Variants in HIP1 observed in about 807,000 individuals in gnomAD.
The protein encoded by HIP1 is huntingtin interacting protein 1, also known as huntingtin-interacting protein 1.
In HIP1, 65 loss-of-function variants were observed where a neutral mutation model predicts 147.6. The ratio of observed to expected loss-of-function variants is 0.44; its 90% confidence interval spans 0.36 to 0.54. The LOEUF (loss-of-function observed/expected upper bound fraction) is 0.54. Among genes scored for constraint, HIP1 ranks in the 20% least tolerant of loss-of-function variants. HIP1 has a pLI of 0.00. For missense variants in HIP1, 1,061 were observed against 1,299.6 expected (o/e 0.82, Z 2.82); for synonymous variants, 479 against 504.0 (o/e 0.95, Z 0.67).
At chr7:75,596,001 G>A (rs146930404) in intron 2 of HIP1, among the ~76,000 whole-genome samples, 498 of 152,264 alleles carry the variant, frequency 3.3e-3, no homozygotes, top group African/African-American at 0.011. Flanking sequence ...ACTTTGGGAG[G>A]CCCAGCGGGA....
chr7:75,682,535 C>T (rs577083861), intron 1 of HIP1, among the ~76,000 whole-genome samples: 29 of 151,618 alleles, frequency 1.9e-4, no homozygotes, highest in Middle Eastern at 3.4e-3. Flanking sequence ...GCTGAGATGA[C>T]GGGATTGAGC....
chr7:75,669,101 C>G (rs898799853), intron 1 of HIP1, among the ~76,000 whole-genome samples: 10 of 152,074 alleles, frequency 6.6e-5, no homozygotes, highest in Non-Finnish European at 1.5e-4. Flanking sequence ...TGTGGTGGCT[C>G]ACGCCTGTAA....
At chr7:75,561,701 G>A (rs1795235005) in intron 12 of HIP1, among the ~76,000 whole-genome samples, 1 of 152,124 alleles carries the variant, frequency 6.6e-6, no homozygotes, top group Non-Finnish European at 1.5e-5. Context: ...GAAGTGTAGT[G>A]GCACGATCAT....
intron 22 of HIP1, among the ~76,000 whole-genome samples, chr7:75,550,310 A>C (rs1794735730): frequency 1.3e-5 from 2 of 152,212 alleles, no homozygotes; most frequent in Admixed American, 1.3e-4. Context: ...ATACCTTTGG[A>C]ATCCTATTTG....
Position 75,535,425 on chromosome 7 carries a change from G to A in HIP1, c.*2747C>T, listed in dbSNP as rs1794048353. On this transcript the variant is annotated 3_prime_UTR_variant, in exon 31 of 31. Transcript: ENST00000336926. The stretch of plus-strand genomic sequence containing the variant: ...GGCCGGAGTGCACTGGCACAATCAG[G>A]GCTGACTGCAGCCTCGACTTCCCAA... The A allele has an allele frequency of 5.5e-6, 1 of 182,636 alleles. No homozygotes were observed. Among genetic ancestry groups the A allele is most frequent in the East Asian group, 8.9e-5 (1 of 11,220 alleles). The allele number at this position is 182,636 out of a possible 1,614,324, so 11.3% of individuals were successfully genotyped here.
chr7:75,588,055 G>A (rs952625966), intron 4 of HIP1, among the ~76,000 whole-genome samples: 13 of 152,144 alleles, frequency 8.5e-5, no homozygotes, highest in African/African-American at 3.1e-4. Flanking sequence ...ACAAACGCTT[G>A]TACTCCTGCA....
chr7:75,614,834 C>T (rs1210395268), intron 1 of HIP1, among the ~76,000 whole-genome samples: 6 of 151,930 alleles, frequency 3.9e-5, no homozygotes, highest in East Asian at 1.9e-4. Context: ...AGTGCAGTGG[C>T]GCGATCTCGG....
intron 1 of HIP1, among the ~76,000 whole-genome samples, chr7:75,693,048 C>T (rs1376058101): frequency 6.6e-6 from 1 of 151,694 alleles, no homozygotes; most frequent in Non-Finnish European, 1.5e-5. Context: ...GCCTGTAATC[C>T]CAGCTACTCA....
At chr7:75,554,036 C>G (rs959649421) in intron 21 of HIP1, 77 bp downstream of exon 21, 2 of 1,079,700 alleles carry the variant, frequency 1.9e-6, no homozygotes, top group Non-Finnish European at 2.8e-6. Context: ...TGAGCCACTG[C>G]GCCCGGCCCA....
chr7:75,714,896 A>T (rs1388127413), intron 1 of HIP1, among the ~76,000 whole-genome samples: 1 of 152,092 alleles, frequency 6.6e-6, no homozygotes, highest in African/African-American at 2.4e-5. Flanking sequence ...CCAGAGTCCA[A>T]TCCAGGATCC....
chr7:75,693,202 G>C (rs1800518101), intron 1 of HIP1, among the ~76,000 whole-genome samples: 1 of 151,906 alleles, frequency 6.6e-6, no homozygotes, highest in Non-Finnish European at 1.5e-5. Context: ...ATTGCAAACG[G>C]CATTCGAAAC....
chr7:75,601,980 A>T (rs1796998584), intron 1 of HIP1, among the ~76,000 whole-genome samples: 4 of 150,220 alleles, frequency 2.7e-5, no homozygotes, highest in African/African-American at 2.4e-5. Context: ...CTAGGAATCT[A>T]TCCTTTGGAA....
At chr7:75,607,875 G>A (rs1279080474) in intron 1 of HIP1, among the ~76,000 whole-genome samples, 1 of 152,010 alleles carries the variant, frequency 6.6e-6, no homozygotes, top group Non-Finnish European at 1.5e-5. Context: ...ACAGAGACAC[G>A]ATCAGAATCC....
At chr7:75,723,000 C>A (rs1464216580) in intron 1 of HIP1, among the ~76,000 whole-genome samples, 1 of 152,106 alleles carries the variant, frequency 6.6e-6, no homozygotes, top group Non-Finnish European at 1.5e-5. Flanking sequence ...GTCTATGCAG[C>A]GAGACATGGG....
At chr7:75,699,767 CTCCTCTGAGCTTCTCTTCTCTTT>C (rs1800758995) in intron 1 of HIP1, among the ~76,000 whole-genome samples, 1 of 152,180 alleles carries the variant, frequency 6.6e-6, no homozygotes, top group Non-Finnish European at 1.5e-5. Flanking sequence ...CTTCATCTGG[CTCCTCTGAGCTTCTCTTCTCTTT>C]TCCGTGGTTG....
chr7:75,608,384 T>C (rs1554504246), intron 1 of HIP1, among the ~76,000 whole-genome samples: 1 of 152,202 alleles, frequency 6.6e-6, no homozygotes, highest in Non-Finnish European at 1.5e-5. Flanking sequence ...ATACGGTTGA[T>C]GAACATGCAA....
At chr7:75,694,986 A>G (rs528754803) in intron 1 of HIP1, among the ~76,000 whole-genome samples, 22 of 152,202 alleles carry the variant, frequency 1.4e-4, no homozygotes, top group African/African-American at 5.1e-4. Flanking sequence ...TGAGAAAACT[A>G]TGGAAAAGTT....
chr7:75,622,147 G>A (rs915330843), intron 1 of HIP1, among the ~76,000 whole-genome samples: 1 of 151,936 alleles, frequency 6.6e-6, no homozygotes, highest in African/African-American at 2.4e-5. Context: ...CAGATGTGGT[G>A]GTGCACGCCA....
intron 1 of HIP1, among the ~76,000 whole-genome samples, chr7:75,697,875 A>C (rs1800692021): frequency 6.6e-6 from 1 of 152,250 alleles, no homozygotes; most frequent in African/African-American, 2.4e-5. Flanking sequence ...AAAGGAGATA[A>C]GTCTAAGTTA....
Sources: gnomAD v4.1 joint callset for allele counts (sites outside exome capture counted in the v4.1 genomes callset) on GRCh38, gnomAD v4.1.1 for gene constraint, MANE v1.5 for transcripts, NCBI Gene and HGNC (gene_info 2026-07-23, HGNC 2026-07-21) for gene names.